GRM7: variants seen among roughly 807,000 people sequenced by gnomAD.
GRM7 encodes the protein metabotropic glutamate receptor 7.
A neutral mutation model predicts 84.5 loss-of-function variants in GRM7; 35 were observed. The ratio of observed to expected loss-of-function variants is 0.41; its 90% confidence interval spans 0.32 to 0.55. The LOEUF is 0.55. Ranked by LOEUF, GRM7 falls within the 20% of genes least tolerant of loss-of-function variation. The pLI, the probability that GRM7 is intolerant of heterozygous loss-of-function variation, is 0.19. For missense variants in GRM7, 1,003 were observed against 1,194.6 expected (o/e 0.84, Z 2.36); for synonymous variants, 487 against 455.1 (o/e 1.07, Z -0.89).
chr3:7,461,501 C>A, intron 6 of GRM7, 82 bp from the exon 7 acceptor site: 1 of 1,193,962 alleles, frequency 8.4e-7, no homozygotes. Flanking sequence ...CTCGTTAAGT[C>A]TCTAGCCTGT....
intron 1 of GRM7, among the ~76,000 whole-genome samples, chr3:7,071,241 G>A (rs981491209): frequency 6.6e-6 from 1 of 152,040 alleles, no homozygotes; most frequent in Non-Finnish European, 1.5e-5. Flanking sequence ...GACTATTTCA[G>A]TCTTAGAAAG....
chr3:6,867,600 C>A (rs577705169), intron 1 of GRM7, among the ~76,000 whole-genome samples: 1 of 152,282 alleles, frequency 6.6e-6, no homozygotes, highest in African/African-American at 2.4e-5. Context: ...CTACAGTAAG[C>A]AACAAGCCTA....
At chr3:7,137,069 T>G (rs1289076474) in intron 1 of GRM7, among the ~76,000 whole-genome samples, 1 of 152,096 alleles carries the variant, frequency 6.6e-6, no homozygotes, top group African/African-American at 2.4e-5. Context: ...ATAACTTAAC[T>G]TTTGATCATT....
At chr3:7,210,369 G>T (rs983805883) in intron 2 of GRM7, among the ~76,000 whole-genome samples, 1 of 152,156 alleles carries the variant, frequency 6.6e-6, no homozygotes, top group Non-Finnish European at 1.5e-5. Flanking sequence ...CTTCCATTCA[G>T]CATGCTGATG....
chr3:7,297,054 T>G (rs543297237), intron 2 of GRM7, among the ~76,000 whole-genome samples: 1 of 152,242 alleles, frequency 6.6e-6, no homozygotes, highest in Non-Finnish European at 1.5e-5. Context: ...TTTTTGGTAT[T>G]TACTCAGTAA....
At chr3:7,308,817 A>G (rs1205152349) in intron 4 of GRM7, among the ~76,000 whole-genome samples, 1 of 152,132 alleles carries the variant, frequency 6.6e-6, no homozygotes, top group African/African-American at 2.4e-5. Context: ...CACATATTCC[A>G]TGGCCATTAA....
chr3:7,400,934 T>C (rs1695422371), intron 4 of GRM7, among the ~76,000 whole-genome samples: 1 of 152,124 alleles, frequency 6.6e-6, no homozygotes, highest in Non-Finnish European at 1.5e-5. Context: ...AAATAATATA[T>C]CATTCTTAGC....
intron 2 of GRM7, among the ~76,000 whole-genome samples, chr3:7,234,521 A>C (rs1697289621): frequency 6.6e-6 from 1 of 152,204 alleles, no homozygotes; most frequent in African/African-American, 2.4e-5. Context: ...TGGTCCATAA[A>C]ATACCTTCAA....
chr3:7,456,884 T>C (rs754931071), intron 6 of GRM7, among the ~76,000 whole-genome samples: 15 of 152,148 alleles, frequency 9.9e-5, no homozygotes, highest in Admixed American at 9.8e-4. Context: ...CAGTGGGTCC[T>C]ATGTCACTTT....
intron 9 of GRM7, chr3:7,694,238 G>T (rs1285782128): frequency 6.5e-6 from 1 of 152,946 alleles, no homozygotes; most frequent in Non-Finnish European, 1.5e-5. Flanking sequence ...TGGTAGTAGT[G>T]AGAAATAAAT....
intron 5 of GRM7, among the ~76,000 whole-genome samples, chr3:7,424,887 T>A (rs962901737): frequency 6.6e-6 from 1 of 152,172 alleles, no homozygotes; most frequent in Non-Finnish European, 1.5e-5. Flanking sequence ...TTTCCAGGAA[T>A]GTGTAGTCAG....
chr3:6,923,600 A>G (rs768413626), intron 1 of GRM7, among the ~76,000 whole-genome samples: 19 of 152,284 alleles, frequency 1.2e-4, no homozygotes, highest in Non-Finnish European at 2.6e-4. Flanking sequence ...AACTTTTACT[A>G]TATCTATGAT....
At chr3:7,459,234 C>T (rs1183756941) in intron 6 of GRM7, among the ~76,000 whole-genome samples, 5 of 152,076 alleles carry the variant, frequency 3.3e-5, no homozygotes, top group East Asian at 1.9e-4. Context: ...CACAGGAGAT[C>T]GGTGTCCACT....
intron 7 of GRM7, among the ~76,000 whole-genome samples, chr3:7,492,082 T>C (rs1253450876): frequency 3.3e-5 from 5 of 152,182 alleles, no homozygotes; most frequent in Non-Finnish European, 7.3e-5. Context: ...GGTGTATAAT[T>C]CTCTTTATAT....
chr3:7,114,472 C>T (rs754236995), intron 1 of GRM7, among the ~76,000 whole-genome samples: 6 of 152,110 alleles, frequency 3.9e-5, no homozygotes, highest in African/African-American at 7.2e-5. Context: ...TGTTCTAAAA[C>T]AACAGAATAC....
intron 8 of GRM7, among the ~76,000 whole-genome samples, chr3:7,664,279 C>CT (rs2125126299): frequency 6.9e-6 from 1 of 145,198 alleles, no homozygotes; most frequent in Non-Finnish European, 1.5e-5. Context: ...CAGGCTTCCA[C>CT]TTTTGTTGTA....
chr3:7,366,239 C>G (rs995033560), intron 4 of GRM7, among the ~76,000 whole-genome samples: 1 of 151,822 alleles, frequency 6.6e-6, no homozygotes. Context: ...TTCTGTAACT[C>G]TTTTCTGTCC....
At chr3:7,204,576 G>A (rs1302425232) in intron 2 of GRM7, among the ~76,000 whole-genome samples, 3 of 152,184 alleles carry the variant, frequency 2.0e-5, no homozygotes, top group Non-Finnish European at 4.4e-5. Context: ...GCTACCTTGT[G>A]GGGAAGGATG....
chr3:7,656,196 T>C (rs1211816288), intron 8 of GRM7, among the ~76,000 whole-genome samples: 1 of 152,090 alleles, frequency 6.6e-6, no homozygotes. Flanking sequence ...TGTGGTTAAA[T>C]GTGCATTTCC....
Sources: gnomAD v4.1 joint callset for allele counts (sites outside exome capture counted in the v4.1 genomes callset) on GRCh38, gnomAD v4.1.1 for gene constraint, MANE v1.5 for transcripts, NCBI Gene and HGNC (gene_info 2026-07-23, HGNC 2026-07-21) for gene names.